The following GRK6 variants were observed in gnomAD, a reference collection of about 807,000 sequenced individuals.
GRK6 encodes the protein G protein-coupled receptor kinase 6.
A neutral mutation model predicts 80.8 loss-of-function variants in GRK6; 37 were observed. That is an observed-to-expected ratio of 0.46 (90% CI 0.35 to 0.60). The LOEUF (loss-of-function observed/expected upper bound fraction) is 0.60, where lower values mean the gene tolerates loss of function less well. Among genes scored for constraint, GRK6 ranks in the 20% least tolerant of loss-of-function variants. The pLI, the probability that GRK6 is intolerant of heterozygous loss-of-function variation, is 0.00. For missense variants in GRK6, 560 were observed against 784.6 expected (o/e 0.71, Z 3.42); for synonymous variants, 295 against 320.9 (o/e 0.92, Z 0.86).
At chr5:177,434,986 G>A in intron 10 of GRK6, 46 bp from the exon 11 acceptor site, 1 of 1,613,190 alleles carries the variant, frequency 6.2e-7, no homozygotes, top group Non-Finnish European at 8.5e-7. Context: ...GAGATGCAGA[G>A]GCCTGGCCTG....
intron 6 of GRK6, 39 bp from the exon 7 acceptor site, chr5:177,433,308 C>A: frequency 1.2e-6 from 2 of 1,613,924 alleles, no homozygotes; most frequent in Non-Finnish European, 1.7e-6. Context: ...TTGGGCTCTC[C>A]TGCTCAGCCA....
Position 177,432,776 on chromosome 5 carries a change from C to T in GRK6, c.410C>T (p.Pro137Leu), listed in dbSNP as rs1318012383. The T allele has an allele frequency of 4.3e-6, 7 of 1,612,332 alleles. No homozygotes were observed. The highest frequency in any genetic ancestry group is 5.9e-6 in the Non-Finnish European group (7 of 1,179,406). Residue 137 changes from proline to leucine, a missense_variant, in exon 5 of 16, where the codon CCC (proline) becomes CTC (leucine). Physicochemically the swap from Pro to Leu is moderately conservative, Grantham distance 98. Around this residue, in one of 3 missense-constraint regions of GRK6, gnomAD observed 189 missense variants for 230.2 expected, o/e 0.82. Transcript: ENST00000355472. ...TGCACCCAGCGGCTGGAGCAGGGTC[C>T]CTGCAAAGACCTTTTCCAGGAACTC... The part of the protein sequence containing the change: ...TNCTQRLEQG[P>L]CKDLFQELTR...
chr5:177,435,404 C>T (rs769802841), intron 11 of GRK6, among the ~76,000 whole-genome samples: 4 of 152,262 alleles, frequency 2.6e-5, no homozygotes, highest in African/African-American at 7.2e-5. Flanking sequence ...AACCTGTTTC[C>T]GTGGCCCCAG....
In GRK6 at chr5:177,433,665, A is replaced by G; in HGVS notation, c.727A>G (p.Ser243Gly). The change falls in exon 8 of 16, where the codon AGT (serine) becomes GGT (glycine). Residue 243 changes from serine to glycine, a missense_variant. Around this residue, in one of 3 missense-constraint regions of GRK6, gnomAD observed 77 missense variants for 156.9 expected, o/e 0.49. Coordinates refer to ENST00000355472, the MANE Select transcript of GRK6 (RefSeq NM_001004106.3). ...GAAGCAGATCCTGGAGAAAGTGAAC[A>G]GTAGGTTTGTAGTAAGTACAGAAGG... ...NEKQILEKVNSRFVVSLAYAY... is the reference protein window; with the variant it reads ...NEKQILEKVNGRFVVSLAYAY... The G allele has an allele frequency of 6.2e-7, 1 of 1,614,052 alleles. No individual in the cohort carries two copies. Among genetic ancestry groups the G allele is most frequent in the Non-Finnish European group, 8.5e-7 (1 of 1,180,004 alleles).
In GRK6 at chr5:177,429,199, G is replaced by T. The variant is rs1763786663; in HGVS notation, c.53-1673G>T. ...CAGAGTTGCTGTGAGGATGGAGTGG[G>T]ACAACGCTGGGGCTTGAGACCTCCC... On this transcript the variant is annotated intron_variant, in intron 1 of 15. Coordinates refer to ENST00000355472, the MANE Select transcript of GRK6 (RefSeq NM_001004106.3). This position sits in a 1 kb window ranked among gnomAD's most constrained non-coding sequence, Gnocchi z 4.3. Among the ~76,000 whole-genome samples, 1 of 152,092 alleles carries T rather than the reference G, an allele frequency of 6.6e-6. No individual in the cohort carries two copies.
At position 177,441,776 on chromosome 5, in the gene GRK6, C is replaced by T; in HGVS notation, c.1717C>T (p.Pro573Ser). Reference protein sequence around the residue: ...GNCSDSEEELPTRL With the variant: ...GNCSDSEEELSTRL ...CTGCAGCGACAGCGAGGAAGAGCTC[C>T]CCACCCGCCTCTAGCCCCCAGCCCG... The change falls in exon 16 of 16, where the codon CCC becomes TCC. Residue 573 changes from proline (P) to serine (S), a missense_variant. Around this residue, in one of 3 missense-constraint regions of GRK6, gnomAD observed 294 missense variants for 397.4 expected, o/e 0.74. Coordinates refer to ENST00000355472, the MANE Select transcript of GRK6 (RefSeq NM_001004106.3). The T allele has an allele frequency of 6.2e-7, 1 of 1,612,326 alleles. No individual in the cohort carries two copies.
Position 177,433,623 on chromosome 5 carries a change from G to T in GRK6, c.685G>T (p.Ala229Ser). The stretch of plus-strand genomic sequence containing the variant: ...GCGGATCAAGAAGCGGAAAGGGGAG[G>T]CCATGGCGCTGAACGAGAAGCAGAT... ...KKRIKKRKGEAMALNEKQILE... is the reference protein window; with the variant it reads ...KKRIKKRKGESMALNEKQILE... The change falls in exon 8 of 16, where the codon GCC becomes TCC. Residue 229 changes from alanine to serine, a missense_variant. Ala to Ser is a moderately conservative substitution (Grantham distance 99). Coordinates refer to ENST00000355472, the MANE Select transcript of GRK6 (RefSeq NM_001004106.3). 1 of 1,607,880 alleles carries T rather than the reference G, an allele frequency of 6.2e-7. No individual in the cohort carries two copies. Among genetic ancestry groups the T allele is most frequent in the Non-Finnish European group, 8.5e-7 (1 of 1,174,340 alleles).
At position 177,427,110 on chromosome 5, in the gene GRK6, G is replaced by A. The variant is rs569587752; in HGVS notation, c.52+213G>A. 2.6e-5 allele frequency among the ~76,000 whole-genome samples: 4 copies of A among 152,228 alleles called. No individual in the cohort carries two copies. The South Asian group carries it at 8.3e-4, about 32-fold the overall frequency. ...CCCAGGAAGGGGCGGGGGTCAGGCC[G>A]CCGCCCTCGCGGCGGGTGGGGGTGA... On this transcript the variant is annotated intron_variant, in intron 1 of 15. Coordinates refer to ENST00000355472, the MANE Select transcript of GRK6 (RefSeq NM_001004106.3).
In GRK6 at chr5:177,431,708, G is replaced by GT; in HGVS notation, c.149-286dup. On this transcript the variant is annotated intron_variant, in intron 2 of 15. Coordinates refer to ENST00000355472, the MANE Select transcript of GRK6 (RefSeq NM_001004106.3). ...AACCCCAGTACCGTGACATACGCAA[G>GT]TCGTGTAAATCAGGAGACAATGCAG... 1.1e-5 allele frequency: 5 copies of GT among 473,206 alleles called. No individual in the cohort carries two copies. In the South Asian group the frequency reaches 1.1e-4, roughly 10 times the overall value. The allele number at this position is 473,206 out of a possible 1,614,324, so 29.3% of individuals were successfully genotyped here.
chr5:177,436,531 G>A lies in GRK6; in HGVS notation c.1404+1G>A, dbSNP rs777087376. 1.9e-6 allele frequency: 3 copies of A among 1,586,740 alleles called. No homozygotes were observed. Among genetic ancestry groups the A allele is most frequent in the Non-Finnish European group, 1.7e-6 (2 of 1,165,864 alleles). Reference sequence around the variant, plus strand: ...GCTGGAGCCGCCGTTCAAGCCTGACGTGAGTGCAGCCCACTCCTGCTGAGG... The same window carrying A: ...GCTGGAGCCGCCGTTCAAGCCTGACATGAGTGCAGCCCACTCCTGCTGAGG... On this transcript the variant is annotated splice_donor_variant, in intron 13 of 15. Coordinates refer to ENST00000355472, the MANE Select transcript of GRK6 (RefSeq NM_001004106.3). LOFTEE classifies it high-confidence loss of function.
At chr5:177,440,645 C>A (rs1189879867) in intron 13 of GRK6, 55 bp from the exon 14 acceptor site, 2 of 1,599,090 alleles carry the variant, frequency 1.3e-6, no homozygotes, top group African/African-American at 2.7e-5. Flanking sequence ...GGCTGAGCTG[C>A]CTTCGCGTGT....
chr5:177,432,284 C>G lies in GRK6; in HGVS notation c.313C>G (p.Leu105Val), dbSNP rs1292119336. 1.9e-5 allele frequency: 30 copies of G among 1,612,956 alleles called. No individual in the cohort carries two copies. The highest frequency in any genetic ancestry group is 2.5e-5 in the Non-Finnish European group (29 of 1,180,006). ...CAAGCGGAAGGCATGTGGGCGGCAGCTAACGCAGAATTTTCTGAGCCACAC... is the reference window on the plus strand; with the variant it reads ...CAAGCGGAAGGCATGTGGGCGGCAGGTAACGCAGAATTTTCTGAGCCACAC... ...DDKRKACGRQ[L>V]TQNFLSHTGP... The change falls in exon 4 of 16, where the codon CTA becomes GTA. Residue 105 changes from leucine to valine, a missense_variant. Physicochemically the swap from Leu to Val is conservative, Grantham distance 32 (BLOSUM62 1). Around this residue, in one of 3 missense-constraint regions of GRK6, gnomAD observed 189 missense variants for 230.2 expected, o/e 0.82. Transcript: ENST00000355472.
chr5:177,432,602 C>A, intron 4 of GRK6, 104 bp from the exon 5 acceptor site: 3 of 828,332 alleles, frequency 3.6e-6, no homozygotes, highest in Non-Finnish European at 5.7e-6. Flanking sequence ...CCCTGGCCTG[C>A]AGCCTCTCAT....
Position 177,440,931 on chromosome 5 carries a change from G to T in GRK6, c.1555G>T (p.Glu519Ter). 6.2e-7 allele frequency: 1 copy of T among 1,614,008 alleles called. No homozygotes were observed. Among genetic ancestry groups the T allele is most frequent in the South Asian group, 1.1e-5 (1 of 91,080 alleles). The change falls in exon 15 of 16, where the codon GAG becomes TAG. Residue 519 changes from glutamate to a stop codon, truncating the protein, a stop_gained. Transcript: ENST00000355472. LOFTEE classifies it high-confidence loss of function. ...TGCTCCTCAGCAGATGGTGGAGACC[G>T]AGTGCTTCCAAGAGCTGAATGTCTT... is the stretch of plus-strand genomic sequence containing the variant. ...IPWQNEMVET[E>*]CFQELNVFGL...
At position 177,432,753 on chromosome 5, in the gene GRK6, C is replaced by T; in HGVS notation, c.387C>T (p.Cys129=). Residue 129 remains cysteine, a synonymous_variant, in exon 5 of 16, where the codon TGC becomes TGT. Transcript: ENST00000355472. ...TCCCCCGGCAGCTGGTGACGAACTG[C>T]ACCCAGCGGCTGGAGCAGGGTCCCT... ...PEVPRQLVTN[C]TQRLEQGPCK... 1 of 1,612,464 alleles carries T rather than the reference C, an allele frequency of 6.2e-7. No individual in the cohort carries two copies. The highest frequency in any genetic ancestry group is 1.7e-5 in the Admixed American group (1 of 59,910).
intron 11 of GRK6, 91 bp from the exon 12 acceptor site, chr5:177,435,982 A>T (rs1455911196): frequency 1.7e-5 from 19 of 1,089,688 alleles, no homozygotes; most frequent in Middle Eastern, 2.1e-4. Context: ...GTGTGAGTGT[A>T]TCCCAGACCT....
intron 11 of GRK6, 89 bp downstream of exon 11, chr5:177,435,210 T>C: frequency 1.1e-6 from 1 of 951,160 alleles, no homozygotes; most frequent in South Asian, 1.6e-5. Flanking sequence ...GGGAGTCTTC[T>C]CTCAAAAGGG....
Position 177,426,892 on chromosome 5 carries a change from G to A in GRK6, c.47G>A (p.Arg16Gln), listed in dbSNP as rs866691666. The A allele has an allele frequency of 1.4e-6, 2 of 1,394,006 alleles. No homozygotes were observed. The highest frequency in any genetic ancestry group is 9.4e-7 in the Non-Finnish European group (1 of 1,067,260). 86.4% of individuals were successfully genotyped at this position (1,394,006 alleles called of 1,614,324 possible). ...GCGAACACGGTGCTACTCAAGGCCC[G>A]GGAAGGTGAGGCGGCCGGGTGGGCG... ...IVANTVLLKA[R>Q]EGGGGNRKGK... The change falls in exon 1 of 16, where the codon CGG (arginine) becomes CAG (glutamine). Residue 16 changes from arginine to glutamine, a missense_variant. By Grantham distance (43) the Arg-to-Gln change is conservative. Around this residue, in one of 3 missense-constraint regions of GRK6, gnomAD observed 189 missense variants for 230.2 expected, o/e 0.82. Coordinates refer to ENST00000355472, the MANE Select transcript of GRK6 (RefSeq NM_001004106.3).
At chr5:177,441,230 C>G in intron 15 of GRK6, 177 bp downstream of exon 15, 1 of 1,551,330 alleles carries the variant, frequency 6.4e-7, no homozygotes. Flanking sequence ...CTCATGGCCT[C>G]TTTTCTCTTT....
Sources: gnomAD v4.1 joint callset for allele counts (sites outside exome capture counted in the v4.1 genomes callset) on GRCh38, gnomAD v4.1.1 for gene constraint, gnomAD v4.1.1 regional missense constraint, Gnocchi (gnomAD v3.1) non-coding constraint, MANE v1.5 for transcripts, NCBI Gene and HGNC (gene_info 2026-07-23, HGNC 2026-07-21) for gene names.